CUL4B: variants seen among roughly 807,000 people sequenced by gnomAD.
CUL4B encodes cullin-4B.
Under a neutral mutation model 69.2 loss-of-function variants are expected in CUL4B, and 1 was observed. The ratio of observed to expected loss-of-function variants is 0.01; its 90% CI spans 0.01 to 0.07. CUL4B has a LOEUF of 0.07. Ranked by LOEUF, CUL4B falls within the 10% of genes least tolerant of loss-of-function variation. The pLI is 1.00. For missense variants in CUL4B, 328 were observed against 638.8 expected (o/e 0.51, Z 5.24); for synonymous variants, 237 against 223.2 (o/e 1.06, Z -0.55).
At chrX:120,560,994 T>C, upstream of CUL4B, 1 of 938,898 alleles carries the variant, frequency 1.1e-6, no homozygotes, top group South Asian at 3.3e-5. Context: ...CTTTTCTCCC[T>C]CTCCCTGGGA....
intron 15 of CUL4B, 71 bp from the exon 16 acceptor site, chrX:120,536,014 C>T: frequency 1.3e-6 from 1 of 769,662 alleles, no homozygotes; most frequent in Non-Finnish European, 2.0e-6. Context: ...TTATACTTAC[C>T]TCATGTGATA....
chrX:120,544,341 G>T, intron 6 of CUL4B, 138 bp from the exon 7 acceptor site: 1 of 820,098 alleles, frequency 1.2e-6, no homozygotes, highest in Non-Finnish European at 1.8e-6. Context: ...GAAGCATGAT[G>T]ATTGGGTTTT....
downstream of CUL4B, among the ~76,000 whole-genome samples, chrX:120,570,183 A>C (rs998534106): frequency 8.9e-6 from 1 of 111,786 alleles, no homozygotes; most frequent in Non-Finnish European, 1.9e-5. Context: ...AATTGGATTT[A>C]CAAGTCAGGC....
At position 120,542,951 on chromosome X, in the gene CUL4B, C is replaced by T. The variant is rs143921252; in HGVS notation, c.1324+15G>A. ...CATTTAAAAAGCAATCTCTTATTTACAAATTGCCAATTACCTTTCTGAAGA... is the reference window on the plus strand; with the variant it reads ...CATTTAAAAAGCAATCTCTTATTTATAAATTGCCAATTACCTTTCTGAAGA... On this transcript the variant is annotated intron_variant, in intron 9 of 19. Transcript: ENST00000371322. 17,514 of 1,163,690 alleles carry T rather than the reference C, an allele frequency of 0.015. 270 individuals are homozygous for T. The highest frequency in any genetic ancestry group is 0.12 in the East Asian group (4,078 of 33,396).
At chrX:120,554,073 G>A (rs930204797) in intron 2 of CUL4B, among the ~76,000 whole-genome samples, 2 of 110,860 alleles carry the variant, frequency 1.8e-5, no homozygotes, top group Non-Finnish European at 3.8e-5. Flanking sequence ...ATTTAAAATC[G>A]TGTGGCTTCA....
At chrX:120,544,446 T>A (rs770734712) in intron 6 of CUL4B, 35 bp downstream of exon 6, 1 of 1,199,307 alleles carries the variant, frequency 8.3e-7, no homozygotes, top group East Asian at 3.0e-5. Context: ...AGGATAGCAA[T>A]CAGCTCTGTA....
At chrX:120,554,460 G>T (rs760282749) in intron 2 of CUL4B, among the ~76,000 whole-genome samples, 121 of 112,112 alleles carry the variant, frequency 1.1e-3, no homozygotes, top group Non-Finnish European at 2.0e-3. Flanking sequence ...ACACCCACAG[G>T]ATCTCAAGGT....
upstream of CUL4B, among the ~76,000 whole-genome samples, chrX:120,562,630 ATTATGT>A (rs1344264099): frequency 8.9e-6 from 1 of 112,063 alleles, no homozygotes; most frequent in Non-Finnish European, 1.9e-5. Flanking sequence ...TTCTACAGAG[ATTATGT>A]TTATGCTGTG....
chrX:120,533,420 T>C lies in CUL4B; in HGVS notation c.2267-826A>G, dbSNP rs377183003. ...TATCAGGTTCTCCACAATCAGGCCC[T>C]ACTCATCTTACCTAATTTTTTAACT... On this transcript the variant is annotated intron_variant, in intron 17 of 19. Transcript: ENST00000371322. 8.9e-5 allele frequency among the ~76,000 whole-genome samples: 10 copies of C among 112,101 alleles called. No homozygotes were observed. In the East Asian group the frequency reaches 2.5e-3, roughly 28 times the overall value.
intron 18 of CUL4B, among the ~76,000 whole-genome samples, chrX:120,531,563 G>A (rs766251049): frequency 1.7e-4 from 18 of 107,786 alleles, no homozygotes; most frequent in African/African-American, 5.7e-4. Flanking sequence ...GGGTTCAGGT[G>A]ATTCTCATGC....
At chrX:120,545,118 G>A (rs1453928485) in intron 5 of CUL4B, among the ~76,000 whole-genome samples, 1 of 111,842 alleles carries the variant, frequency 8.9e-6, no homozygotes, top group African/African-American at 3.3e-5. Context: ...GTGTATACAT[G>A]GACTTTTGCA....
chrX:120,565,607 G>A (rs1369856417), upstream of CUL4B, among the ~76,000 whole-genome samples: 3 of 91,781 alleles, frequency 3.3e-5, no homozygotes, highest in South Asian at 1.3e-3. Context: ...GTTTGAACCC[G>A]GGAGGCAGAG....
At chrX:120,562,224 G>A (rs1448570792), upstream of CUL4B, among the ~76,000 whole-genome samples, 3 of 112,013 alleles carry the variant, frequency 2.7e-5, no homozygotes, top group Non-Finnish European at 5.6e-5. Context: ...AGACATTTTA[G>A]AACCATATCG....
At chrX:120,563,514 A>G (rs755973631), upstream of CUL4B, among the ~76,000 whole-genome samples, 2 of 112,004 alleles carry the variant, frequency 1.8e-5, no homozygotes, top group East Asian at 2.8e-4. Context: ...TGGGCCTACC[A>G]TATAGTTCTT....
exon 3 of CUL4B, chrX:120,571,466 G>A (rs142684736): frequency 9.0e-5 from 10 of 111,370 alleles, no homozygotes; most frequent in East Asian, 2.8e-4. Flanking sequence ...ACTCAAGGGC[G>A]GGGGATGCAC....
chrX:120,572,807 A>G (rs1327042198), intron 2 of CUL4B, among the ~76,000 whole-genome samples: 3 of 111,672 alleles, frequency 2.7e-5, no homozygotes, highest in Non-Finnish European at 1.9e-5. Context: ...ACATATTCCT[A>G]TCACTTAAAA....
At chrX:120,543,852 A>C in intron 7 of CUL4B, 43 bp from the exon 8 acceptor site, 1 of 979,013 alleles carries the variant, frequency 1.0e-6, no homozygotes, top group Non-Finnish European at 1.5e-6. Flanking sequence ...CTCCCCATAA[A>C]TCATTCAGAA....
upstream of CUL4B, chrX:120,561,244 G>C (rs1466085034): frequency 2.0e-6 from 1 of 509,877 alleles, no homozygotes; most frequent in African/African-American, 2.4e-5. Context: ...GCTCGCGCTA[G>C]TTCGCTCCTG....
chrX:120,568,744 C>T (rs781082898), downstream of CUL4B, among the ~76,000 whole-genome samples: 28 of 111,920 alleles, frequency 2.5e-4, no homozygotes, highest in Non-Finnish European at 2.3e-4. Context: ...GATCAAGTAC[C>T]ATCCCCACTG....
Sources: gnomAD v4.1 joint callset for allele counts (sites outside exome capture counted in the v4.1 genomes callset) on GRCh38, gnomAD v4.1.1 for gene constraint, MANE v1.5 for transcripts, NCBI Gene and HGNC (gene_info 2026-07-23, HGNC 2026-07-21) for gene names.